Variants in UVSSA observed in about 807,000 individuals in gnomAD.
The protein encoded by UVSSA is UV stimulated scaffold protein A, also known as UV-stimulated scaffold protein A.
Under a neutral mutation model 73.9 loss-of-function variants are expected in UVSSA, and 72 were observed. The observed-to-expected ratio is 0.97, with a 90% confidence interval of 0.81 to 1.19. The LOEUF (loss-of-function observed/expected upper bound fraction) is 1.19, where lower values mean the gene tolerates loss of function less well. Ranked by LOEUF, UVSSA falls within the 50% of genes most tolerant of loss-of-function variation. The pLI, the probability that UVSSA is intolerant of heterozygous loss-of-function variation, is 0.00. For missense variants in UVSSA, 1,150 were observed against 965.0 expected, an observed-to-expected ratio of 1.19 and a Z score of -2.54; for synonymous variants, 454 against 391.3, an observed-to-expected ratio of 1.16 and a Z score of -1.89.
chr4:1,390,858 G>T (rs1375194059), downstream of UVSSA: 3 of 153,308 alleles, frequency 2.0e-5, no homozygotes, highest in African/African-American at 7.3e-5. Flanking sequence ...TTGTAGTGTT[G>T]TATAGATGCC....
chr4:1,348,632 A>G (rs570282887), intron 2 of UVSSA, among the ~76,000 whole-genome samples: 2 of 152,180 alleles, frequency 1.3e-5, no homozygotes, highest in Non-Finnish European at 2.9e-5. Context: ...CGTCACCCTC[A>G]GGCAGCCAGA....
chr4:1,353,308 A>G lies in UVSSA; in HGVS notation c.829A>G (p.Thr277Ala). ...CGGGGCACAGCCATCCCAGACAGCC[A>G]CAGGTGACCCCTCAGATGAGGACGA... ...GGGAQPSQTA[T>A]GDPSDEDEDS... Residue 277 changes from threonine to alanine, a missense_variant, in exon 5 of 14, where the codon ACA becomes GCA. Coordinates refer to ENST00000389851, the MANE Select transcript of UVSSA (RefSeq NM_020894.4). 1 of 1,611,736 alleles carries G rather than the reference A, an allele frequency of 6.2e-7. No individual in the cohort carries two copies. The highest frequency in any genetic ancestry group is 8.5e-7 in the Non-Finnish European group (1 of 1,179,864).
In UVSSA at chr4:1,372,790, TCC is replaced by T. The variant is rs1560469039; in HGVS notation, c.1289-2572_1289-2571del. On this transcript the variant is annotated intron_variant, in intron 8 of 13. Transcript: ENST00000389851. ...CGTCTCAGGGCACTCACCTCCCGCG[TCC>T]CTGCACTCACCTCCCGCGTCTCAGG... Among the ~76,000 whole-genome samples the T allele has an allele frequency of 2.7e-3, 246 of 92,204 alleles. 13 individuals carry two copies. Among genetic ancestry groups the T allele is most frequent in the African/African-American group, 5.2e-3 (152 of 29,376 alleles). 60.5% of individuals were successfully genotyped at this position (92,204 alleles called of 152,430 possible).
chr4:1,371,166 G>A (rs947571303), intron 8 of UVSSA, among the ~76,000 whole-genome samples: 1 of 152,134 alleles, frequency 6.6e-6, no homozygotes, highest in Non-Finnish European at 1.5e-5. Flanking sequence ...ACGTGTATGT[G>A]TGTGTATGTA....
intron 6 of UVSSA, 54 bp downstream of exon 6, chr4:1,354,901 C>G (rs201554710): frequency 2.3e-6 from 3 of 1,278,946 alleles, no homozygotes; most frequent in Non-Finnish European, 3.2e-6. Flanking sequence ...GAGTGCCATG[C>G]ATGGGGGGGG....
intron 12 of UVSSA, among the ~76,000 whole-genome samples, chr4:1,383,044 C>T (rs1458522562): frequency 6.6e-6 from 1 of 152,214 alleles, no homozygotes; most frequent in African/African-American, 2.4e-5. Context: ...GGGCCTGTGA[C>T]CCCCGAGGGC....
chr4:1,353,992 G>A (rs917639220), intron 5 of UVSSA, among the ~76,000 whole-genome samples: 1 of 152,232 alleles, frequency 6.6e-6, no homozygotes, highest in Non-Finnish European at 1.5e-5. Context: ...GCCCCCCTGG[G>A]GTGTGAGTGG....
intron 11 of UVSSA, chr4:1,380,529 C>T: frequency 9.9e-7 from 1 of 1,008,904 alleles, no homozygotes. Context: ...CTGTGCTGGG[C>T]CTGGGATCCT....
chr4:1,382,777 G>A (rs1261159642), intron 12 of UVSSA, among the ~76,000 whole-genome samples: 1 of 152,216 alleles, frequency 6.6e-6, no homozygotes, highest in African/African-American at 2.4e-5. Flanking sequence ...TCCGAGATGT[G>A]GGCATTCCTC....
At position 1,351,710 on chromosome 4, in the gene UVSSA, C is replaced by T. The variant is rs745633218; in HGVS notation, c.430-5C>T. 4 of 1,612,562 alleles carry T rather than the reference C, an allele frequency of 2.5e-6. No individual in the cohort carries two copies. Among genetic ancestry groups the T allele is most frequent in the Non-Finnish European group, 3.4e-6 (4 of 1,179,258 alleles). On this transcript the variant is annotated splice_polypyrimidine_tract_variant and splice_region_variant and intron_variant, in intron 3 of 13. Transcript: ENST00000389851. The stretch of plus-strand genomic sequence containing the variant: ...GTCCCCTAGTCTTTATTTTCAATTG[C>T]TCAGGTGGATTTTCAAGACACGAAT...
Position 1,383,960 on chromosome 4 carries a change from C to T in UVSSA, c.2036+20C>T. 1.9e-6 allele frequency: 3 copies of T among 1,600,934 alleles called. No individual in the cohort carries two copies. The highest frequency in any genetic ancestry group is 1.7e-5 in the Admixed American group (1 of 59,106). ...CGCCAAGTAAGAGTGGCTGCTGGGT[C>T]ACCTCCCACCGCGTGGCCCCCCCGT... is the stretch of plus-strand genomic sequence containing the variant. On this transcript the variant is annotated intron_variant, in intron 13 of 13. Transcript: ENST00000389851.
At chr4:1,355,439 GA>G (rs1715575194) in intron 7 of UVSSA, among the ~76,000 whole-genome samples, 194 bp downstream of exon 7, 1 of 152,262 alleles carries the variant, frequency 6.6e-6, no homozygotes, top group Non-Finnish European at 1.5e-5. Context: ...TGGCAGAGGG[GA>G]CAGTGCAGCT....
chr4:1,384,069 C>T (rs768864038), intron 13 of UVSSA, 129 bp downstream of exon 13: 338 of 1,199,522 alleles, frequency 2.8e-4, no homozygotes, highest in Non-Finnish European at 3.7e-4. Context: ...CTTTGAGTTC[C>T]CCTGGGGGAC....
In UVSSA at chr4:1,383,933, T is replaced by A. The variant is rs1050499670; in HGVS notation, c.2029T>A (p.Phe677Ile). 2.5e-6 allele frequency: 4 copies of A among 1,610,968 alleles called. No homozygotes were observed. Among genetic ancestry groups the A allele is most frequent in the Non-Finnish European group, 3.4e-6 (4 of 1,178,976 alleles). Residue 677 changes from phenylalanine to isoleucine, a missense_variant, in exon 13 of 14, where the codon TTC (phenylalanine) becomes ATC (isoleucine). Physicochemically the swap from Phe to Ile is conservative, Grantham distance 21. Transcript: ENST00000389851. ...CCGCGCTCGCATTGGGAGAAAAGTC[T>A]TCGCCAAGTAAGAGTGGCTGCTGGG... is the stretch of plus-strand genomic sequence containing the variant. The part of the protein sequence containing the change: ...TARARIGRKV[F>I]AKAAVRRVVA...
intron 3 of UVSSA, among the ~76,000 whole-genome samples, 164 bp from the exon 4 acceptor site, chr4:1,351,551 A>G (rs1714751168): frequency 7.0e-6 from 1 of 143,768 alleles, no homozygotes; most frequent in Non-Finnish European, 1.5e-5. Flanking sequence ...TCGCCTGGCT[A>G]ATTTTTTTTT....
intron 10 of UVSSA, 132 bp downstream of exon 10, chr4:1,376,300 C>A: frequency 7.5e-7 from 1 of 1,341,140 alleles, no homozygotes; most frequent in Non-Finnish European, 9.8e-7. Flanking sequence ...GCCCCACCTT[C>A]CGGGCACCTG....
chr4:1,394,259 A>G (rs1365040208), exon 14 of UVSSA: 3 of 739,118 alleles, frequency 4.1e-6, no homozygotes, highest in Non-Finnish European at 4.3e-6. Flanking sequence ...CTCGTTCCTC[A>G]GATCTTCCTT....
At chr4:1,383,144 C>G (rs937599021) in intron 12 of UVSSA, among the ~76,000 whole-genome samples, 1 of 152,122 alleles carries the variant, frequency 6.6e-6, no homozygotes, top group Admixed American at 6.5e-5. Flanking sequence ...GCCACAGGGC[C>G]TCAAGCAGAC....
At position 1,383,762 on chromosome 4, in the gene UVSSA, G is replaced by T. The variant is rs770322351; in HGVS notation, c.1862-4G>T. The T allele has an allele frequency of 1.2e-6, 2 of 1,613,170 alleles. No individual in the cohort carries two copies. The highest frequency in any genetic ancestry group is 4.5e-5 in the East Asian group (2 of 44,876). On this transcript the variant is annotated splice_polypyrimidine_tract_variant and splice_region_variant and intron_variant, in intron 12 of 13. Coordinates refer to ENST00000389851, the MANE Select transcript of UVSSA (RefSeq NM_020894.4). ...CTCCTGAAGTGCTTGAGTTTTGTTT[G>T]CAGAATGGCAGGACCCTGAGTTGAT...
Sources: allele counts gnomAD v4.1 joint callset (sites outside exome capture counted in the v4.1 genomes callset), GRCh38; gene constraint gnomAD v4.1.1; transcripts MANE v1.5; gene names NCBI Gene and HGNC (gene_info 2026-07-23, HGNC 2026-07-21).